Variants in NKAIN3 observed in about 807,000 individuals in gnomAD.
NKAIN3 encodes sodium/potassium-transporting ATPase subunit beta-1-interacting protein 3.
A neutral mutation model predicts 30.2 loss-of-function variants in NKAIN3; 25 were observed. That is an observed-to-expected ratio of 0.83 (90% CI 0.60 to 1.16). NKAIN3 has a LOEUF of 1.16. Ranked by LOEUF, NKAIN3 falls within the 50% of genes most tolerant of loss-of-function variation. The pLI, the probability that NKAIN3 is intolerant of heterozygous loss-of-function variation, is 0.00. For synonymous variants in NKAIN3, 91 were observed against 89.6 expected (o/e 1.02, Z -0.09); for missense variants, 225 against 254.1 (o/e 0.89, Z 0.78).
intron 1 of NKAIN3, among the ~76,000 whole-genome samples, chr8:62,464,985 A>C (rs965781805): frequency 6.6e-6 from 1 of 152,194 alleles, no homozygotes; most frequent in Non-Finnish European, 1.5e-5. Flanking sequence ...GAGTTTTCTT[A>C]TGCTATATCC....
At chr8:62,307,612 T>G (rs1814291979) in intron 1 of NKAIN3, among the ~76,000 whole-genome samples, 1 of 150,730 alleles carries the variant, frequency 6.6e-6, no homozygotes, top group Non-Finnish European at 1.5e-5. Context: ...ATGTATGTTT[T>G]GTGCCTCTCT....
At chr8:62,376,546 C>G (rs13269658) in intron 1 of NKAIN3, among the ~76,000 whole-genome samples, 1 of 151,936 alleles carries the variant, frequency 6.6e-6, no homozygotes, top group Non-Finnish European at 1.5e-5. Flanking sequence ...TCTACAGGTG[C>G]TTGCACCTGT....
rs1823854628 is a variant in NKAIN3, at chr8:62,972,436, T to C, written c.*7029T>C. On this transcript the variant is annotated 3_prime_UTR_variant, in exon 7 of 7. Coordinates refer to ENST00000623646, the MANE Select transcript of NKAIN3 (RefSeq NM_001304533.3). ...CCACCAGATTGAGTATGTTGATACA[T>C]CAAATGCCAGTCTTTTATCTTCCTA... Among the ~76,000 whole-genome samples, 1 of 152,164 alleles carries C rather than the reference T, an allele frequency of 6.6e-6. No individual in the cohort carries two copies.
chr8:62,757,723 A>G (rs1186206547), intron 4 of NKAIN3, among the ~76,000 whole-genome samples: 1 of 152,200 alleles, frequency 6.6e-6, no homozygotes, highest in East Asian at 1.9e-4. Flanking sequence ...GCAAATAAAT[A>G]AAAATAAGAA....
intron 5 of NKAIN3, among the ~76,000 whole-genome samples, chr8:62,997,156 A>G (rs1331295575): frequency 6.6e-6 from 1 of 152,178 alleles, no homozygotes; most frequent in Non-Finnish European, 1.5e-5. Context: ...AGAACTGTTT[A>G]CTGAAAGAAA....
chr8:62,467,927 G>A (rs1399054452), intron 1 of NKAIN3, among the ~76,000 whole-genome samples: 2 of 151,948 alleles, frequency 1.3e-5, no homozygotes, highest in East Asian at 3.9e-4. Flanking sequence ...ACACCACCAT[G>A]CCTGGCTAAT....
intron 4 of NKAIN3, among the ~76,000 whole-genome samples, chr8:62,768,960 A>C (rs1300281460): frequency 6.6e-6 from 1 of 152,190 alleles, no homozygotes; most frequent in Non-Finnish European, 1.5e-5. Context: ...TGATATATTC[A>C]AAGTATTTTC....
At chr8:62,777,537 G>A (rs1817228070) in intron 4 of NKAIN3, among the ~76,000 whole-genome samples, 1 of 152,010 alleles carries the variant, frequency 6.6e-6, no homozygotes, top group Non-Finnish European at 1.5e-5. Context: ...ACTACTGCTT[G>A]ATTATTCTTA....
chr8:62,661,998 C>T (rs1322791531), intron 3 of NKAIN3, among the ~76,000 whole-genome samples: 1 of 152,154 alleles, frequency 6.6e-6, no homozygotes, highest in Non-Finnish European at 1.5e-5. Context: ...GTATATTTCA[C>T]CCACCAAGGT....
intron 4 of NKAIN3, among the ~76,000 whole-genome samples, chr8:62,914,567 G>A (rs1822024203): frequency 1.3e-5 from 2 of 152,032 alleles, no homozygotes; most frequent in Admixed American, 1.3e-4. Context: ...GATAAAACAT[G>A]GACTAGATGT....
At chr8:62,560,778 T>C (rs1372618487) in intron 1 of NKAIN3, among the ~76,000 whole-genome samples, 1 of 151,966 alleles carries the variant, frequency 6.6e-6, no homozygotes, top group Non-Finnish European at 1.5e-5. Flanking sequence ...TGACCTCAGG[T>C]AATACACCCG....
At chr8:62,808,183 C>T (rs1222721987) in intron 4 of NKAIN3, among the ~76,000 whole-genome samples, 1 of 152,076 alleles carries the variant, frequency 6.6e-6, no homozygotes, top group Non-Finnish European at 1.5e-5. Context: ...TGTCCACGTG[C>T]TTGTCAATGT....
intron 5 of NKAIN3, among the ~76,000 whole-genome samples, chr8:62,949,144 G>C (rs1333118047): frequency 1.3e-5 from 2 of 152,178 alleles, no homozygotes; most frequent in Non-Finnish European, 2.9e-5. Flanking sequence ...GAAGCTGCCA[G>C]GTTGAAAGCC....
At chr8:62,475,151 C>T (rs1806478379) in intron 1 of NKAIN3, among the ~76,000 whole-genome samples, 1 of 152,116 alleles carries the variant, frequency 6.6e-6, no homozygotes, top group Non-Finnish European at 1.5e-5. Flanking sequence ...AGAATAAAGA[C>T]AATGTGTTCC....
At chr8:62,296,226 A>G (rs1374395936) in intron 1 of NKAIN3, among the ~76,000 whole-genome samples, 1 of 152,174 alleles carries the variant, frequency 6.6e-6, no homozygotes, top group Non-Finnish European at 1.5e-5. Context: ...GTTTGCTGCT[A>G]TTTCCTGCTG....
chr8:62,737,027 G>A (rs1285637259), intron 3 of NKAIN3, among the ~76,000 whole-genome samples: 1 of 152,102 alleles, frequency 6.6e-6, no homozygotes, highest in African/African-American at 2.4e-5. Flanking sequence ...CCACCCATTG[G>A]GCACTCACAG....
chr8:62,544,110 T>G (rs1808934510), intron 1 of NKAIN3, among the ~76,000 whole-genome samples: 1 of 152,086 alleles, frequency 6.6e-6, no homozygotes, highest in African/African-American at 2.4e-5. Context: ...CAAGAGATCC[T>G]CCCACCTCAG....
intron 3 of NKAIN3, among the ~76,000 whole-genome samples, chr8:62,687,329 A>T (rs1813829707): frequency 6.6e-6 from 1 of 152,192 alleles, no homozygotes; most frequent in Non-Finnish European, 1.5e-5. Context: ...ACAAATCTTC[A>T]AGTCCCCTAT....
chr8:62,927,775 A>C (rs543988349), intron 5 of NKAIN3, among the ~76,000 whole-genome samples: 2 of 152,296 alleles, frequency 1.3e-5, no homozygotes, highest in South Asian at 4.1e-4. Context: ...CCTACTATAG[A>C]GTTTATATTA....
Sources: gnomAD v4.1 joint callset for allele counts (sites outside exome capture counted in the v4.1 genomes callset) on GRCh38, gnomAD v4.1.1 for gene constraint, MANE v1.5 for transcripts, NCBI Gene and HGNC (gene_info 2026-07-23, HGNC 2026-07-21) for gene names.